The following SLC12A7 variants were observed in gnomAD, a reference collection of about 807,000 sequenced individuals.
SLC12A7 encodes the protein solute carrier family 12 member 7.
Under a neutral mutation model 120.6 loss-of-function variants are expected in SLC12A7, and 100 were observed. The ratio of observed to expected loss-of-function variants is 0.83; its 90% CI spans 0.71 to 0.98. The LOEUF (loss-of-function observed/expected upper bound fraction) is 0.98. Among genes scored for constraint, SLC12A7 ranks in the 50% least tolerant of loss-of-function variants. SLC12A7 has a pLI of 0.00. For missense variants in SLC12A7, 1,373 were observed against 1,548.1 expected, an observed-to-expected ratio of 0.89 and a Z score of 1.90; for synonymous variants, 760 against 678.0, an observed-to-expected ratio of 1.12 and a Z score of -1.88.
rs1411966299 is a variant in SLC12A7 at position 1,085,575 on chromosome 5, A to C, written c.676-102T>G. 4.2e-6 allele frequency: 6 copies of C among 1,444,204 alleles called. No homozygotes were observed. The East Asian group carries it at 1.5e-4, about 36-fold the overall frequency. 89.5% of individuals were successfully genotyped at this position (1,444,204 alleles called of 1,614,324 possible). A position where few individuals can be genotyped will look rare whatever the true frequency, so the allele number is the denominator to read the frequency against. On this transcript the variant is annotated intron_variant, in intron 6 of 23. Transcript: ENST00000264930. Reference sequence around the variant, plus strand: ...CGCCACACAGGGGCCTCCTCCCAACAGGTGCCGGGGCCATCGGGACGCATC... The same window carrying C: ...CGCCACACAGGGGCCTCCTCCCAACCGGTGCCGGGGCCATCGGGACGCATC...
chr5:1,092,112 C>A (rs1240221131), intron 3 of SLC12A7, among the ~76,000 whole-genome samples: 1 of 152,266 alleles, frequency 6.6e-6, no homozygotes, highest in Non-Finnish European at 1.5e-5. Context: ...CCGGTTACTT[C>A]AACCCCAGAT....
chr5:1,154,721 G>A, the SLC12A7 span, among the ~76,000 whole-genome samples: 3 of 152,216 alleles, frequency 2.0e-5, no homozygotes, highest in African/African-American at 4.8e-5. Flanking sequence ...GGACACGCAC[G>A]GCCCCCACAC....
the SLC12A7 span, among the ~76,000 whole-genome samples, chr5:1,130,176 G>A: frequency 6.6e-6 from 1 of 152,148 alleles, no homozygotes; most frequent in Non-Finnish European, 1.5e-5. Flanking sequence ...CCCCCATCAA[G>A]CAGCCTCCCG....
intron 7 of SLC12A7, 49 bp downstream of exon 7, chr5:1,085,183 C>T: frequency 6.3e-7 from 1 of 1,596,630 alleles, no homozygotes. Flanking sequence ...CCCATGGGAC[C>T]TGGCCCCAGC....
chr5:1,128,030 G>T, the SLC12A7 span, among the ~76,000 whole-genome samples: 1 of 152,194 alleles, frequency 6.6e-6, no homozygotes, highest in Non-Finnish European at 1.5e-5. Flanking sequence ...CGTGATCTCT[G>T]GTTATTCCAG....
the SLC12A7 span, among the ~76,000 whole-genome samples, chr5:1,120,496 C>T: frequency 1.3e-5 from 2 of 152,262 alleles, no homozygotes; most frequent in Non-Finnish European, 2.9e-5. Context: ...CAGATGCTCA[C>T]AGCCGCTGTA....
chr5:1,089,960 G>A (rs1282488519), intron 3 of SLC12A7, among the ~76,000 whole-genome samples: 1 of 152,382 alleles, frequency 6.6e-6, no homozygotes, highest in Non-Finnish European at 1.5e-5. Context: ...GACGGCTGGT[G>A]CCAGCACAAG....
chr5:1,121,611 G>A, the SLC12A7 span, among the ~76,000 whole-genome samples: 2 of 152,202 alleles, frequency 1.3e-5, no homozygotes, highest in Non-Finnish European at 1.5e-5. Context: ...TGACCTCAAG[G>A]GCTTACAGCC....
At chr5:1,141,891 C>G in the SLC12A7 span, among the ~76,000 whole-genome samples, 8 of 152,208 alleles carry the variant, frequency 5.3e-5, no homozygotes, top group Non-Finnish European at 1.0e-4. Context: ...TCATTTTGCC[C>G]AAGTCACCAT....
intron 15 of SLC12A7, 109 bp downstream of exon 15, chr5:1,075,262 C>T (rs1429906235): frequency 1.7e-5 from 25 of 1,453,066 alleles, no homozygotes; most frequent in African/African-American, 2.8e-5. Flanking sequence ...TGAGGGCACA[C>T]GACGCTCAAG....
chr5:1,074,643 G>A lies in SLC12A7; in HGVS notation c.1996C>T (p.Arg666Cys), dbSNP rs564220870. ...GAEKEWGDGIRGLSLNAARYA... is the reference protein window; with the variant it reads ...GAEKEWGDGICGLSLNAARYA... ...CGGGCGGCGTTCAGGGATAGGCCAC[G>A]GATGCCATCGCCCCACTCCTTCTCG... The change falls in exon 16 of 24, where the codon CGT becomes TGT. Residue 666 changes from arginine to cysteine, a missense_variant. Coordinates refer to ENST00000264930, the MANE Select transcript of SLC12A7 (RefSeq NM_006598.3). 12 of 1,612,782 alleles carry A rather than the reference G, an allele frequency of 7.4e-6. No homozygotes were observed. The highest frequency in any genetic ancestry group is 6.7e-5 in the East Asian group (3 of 44,880).
At chr5:1,101,492 C>G (rs552262295) in intron 1 of SLC12A7, among the ~76,000 whole-genome samples, 1 of 152,126 alleles carries the variant, frequency 6.6e-6, no homozygotes, top group Non-Finnish European at 1.5e-5. Flanking sequence ...CAGCAAAGGC[C>G]GACAGCCGCT....
chr5:1,108,475 C>T (rs978316739), intron 1 of SLC12A7, among the ~76,000 whole-genome samples: 2 of 152,188 alleles, frequency 1.3e-5, no homozygotes, highest in Non-Finnish European at 2.9e-5. Flanking sequence ...CAGGGGCTCC[C>T]GGGCACAGCC....
the SLC12A7 span, among the ~76,000 whole-genome samples, chr5:1,142,091 C>T: frequency 6.6e-6 from 1 of 151,940 alleles, no homozygotes; most frequent in Non-Finnish European, 1.5e-5. Context: ...GTGGCCACTC[C>T]CCTCCCCAGA....
chr5:1,136,416 GCAGGCACACGTGTGCT>G, the SLC12A7 span, among the ~76,000 whole-genome samples: 3 of 134,866 alleles, frequency 2.2e-5, no homozygotes, highest in Non-Finnish European at 4.7e-5. Context: ...ACCAGGACAC[GCAGGCACACGTGTGCT>G]CAGACACCAA....
chr5:1,078,675 C>T (rs368753421), intron 11 of SLC12A7, 26 bp downstream of exon 11: 8 of 1,598,760 alleles, frequency 5.0e-6, no homozygotes, highest in Non-Finnish European at 6.9e-6. Flanking sequence ...ACAGGCTTTG[C>T]ACGAAAACTG....
intron 13 of SLC12A7, 89 bp downstream of exon 13, chr5:1,076,605 G>A: frequency 2.1e-6 from 2 of 943,556 alleles, no homozygotes; most frequent in Non-Finnish European, 3.3e-6. Context: ...CCTGTCTACT[G>A]CTTGTCCTGA....
chr5:1,055,554 C>T (rs1450657184), intron 22 of SLC12A7, among the ~76,000 whole-genome samples: 5 of 152,206 alleles, frequency 3.3e-5, no homozygotes, highest in African/African-American at 4.8e-5. Context: ...CCATCCCAGA[C>T]GCACGCCACA....
intron 21 of SLC12A7, among the ~76,000 whole-genome samples, chr5:1,058,955 A>T (rs144844533): frequency 1.3e-5 from 2 of 152,216 alleles, no homozygotes; most frequent in Non-Finnish European, 2.9e-5. Flanking sequence ...TTCGAGCTCG[A>T]GCTTGCTGTT....
Sources: gnomAD v4.1 joint callset for allele counts (sites outside exome capture counted in the v4.1 genomes callset) on GRCh38, gnomAD v4.1.1 for gene constraint, MANE v1.5 for transcripts, NCBI Gene and HGNC (gene_info 2026-07-23, HGNC 2026-07-21) for gene names.